The following PTPRD variants were observed in gnomAD, a reference collection of about 807,000 sequenced individuals.
PTPRD encodes receptor-type tyrosine-protein phosphatase delta.
In PTPRD, 34 loss-of-function variants were observed where a neutral mutation model predicts 214.5. That is an observed-to-expected ratio of 0.16 (90% CI 0.12 to 0.21). The LOEUF (loss-of-function observed/expected upper bound fraction) is 0.21. PTPRD is among the 10% of genes least tolerant of loss of function. The pLI is 1.00. For missense variants in PTPRD, 2,545 were observed against 2,398.7 expected (o/e 1.06, Z -1.27); for synonymous variants, 1,128 against 845.7 (o/e 1.33, Z -5.79).
At chr9:10,063,927 GTAT>G (rs1195023196) in intron 3 of PTPRD, among the ~76,000 whole-genome samples, 1 of 151,972 alleles carries the variant, frequency 6.6e-6, no homozygotes, top group Non-Finnish European at 1.5e-5. Context: ...CTATTAGCCA[GTAT>G]TATGACTAAA....
rs776740623 is a variant in PTPRD at position 9,504,157 on chromosome 9, A to G, written c.-237+70575T>C. On this transcript the variant is annotated intron_variant, in intron 8 of 45. Transcript: ENST00000381196. ...TTATTTGGGTTGACAGTTGAAAACTAGAGAGATTGTAGTCTAAGGCTTTTT... is the reference window on the plus strand; with the variant it reads ...TTATTTGGGTTGACAGTTGAAAACTGGAGAGATTGTAGTCTAAGGCTTTTT... Among the ~76,000 whole-genome samples, 116 of 151,760 alleles carry G rather than the reference A, an allele frequency of 7.6e-4. 1 individual carries two copies. The highest frequency in any genetic ancestry group is 8.9e-5 in the Non-Finnish European group (6 of 67,790).
In PTPRD at chr9:9,186,796, T is replaced by G. The variant is rs185840809; in HGVS notation, c.-202-3433A>C. ...ACAGAAATAACAAACATTTCAGAAA[T>G]AGCCTTTCATTTAGTGTGTTTTGCA... On this transcript the variant is annotated intron_variant, in intron 9 of 45. Coordinates refer to ENST00000381196, the MANE Select transcript of PTPRD (RefSeq NM_002839.4). Among the ~76,000 whole-genome samples the G allele has an allele frequency of 1.8e-3, 278 of 152,148 alleles. 3 individuals carry two copies. Among genetic ancestry groups the G allele is most frequent in the Non-Finnish European group, 2.9e-3 (194 of 67,956 alleles).
Position 8,499,658 on chromosome 9 carries a change from C to G in PTPRD, c.2311G>C (p.Ala771Pro), listed in dbSNP as rs2136804473. The part of the protein sequence containing the change: ...GQPMLKDVML[A>P]DAQWEFDDTT... The stretch of plus-strand genomic sequence containing the variant: ...TTTCAGAGGCTTACCTGTGCATCAG[C>G]CAGCATGACATCTTTCAGCATGGGC... The change falls in exon 25 of 46, where the codon GCT (alanine) becomes CCT (proline). Residue 771 changes from alanine (A) to proline (P), a missense_variant. Physicochemically the swap from Ala to Pro is conservative, Grantham distance 27 (BLOSUM62 -1). Coordinates refer to ENST00000381196, the MANE Select transcript of PTPRD (RefSeq NM_002839.4). 2 of 1,613,090 alleles carry G rather than the reference C, an allele frequency of 1.2e-6. No homozygotes were observed. The highest frequency in any genetic ancestry group is 8.5e-7 in the Non-Finnish European group (1 of 1,179,532).
chr9:9,092,768 T>C (rs925423738), intron 10 of PTPRD, among the ~76,000 whole-genome samples: 5 of 152,034 alleles, frequency 3.3e-5, no homozygotes, highest in African/African-American at 1.2e-4. Context: ...GTGCTTTAAA[T>C]ATAAAGATGA....
chr9:8,888,750 G>A lies in PTPRD; in HGVS notation c.-104+129947C>T, dbSNP rs373959562. Among the ~76,000 whole-genome samples, 16 of 152,312 alleles carry A rather than the reference G, an allele frequency of 1.1e-4. No homozygotes were observed. In the South Asian group the frequency reaches 2.9e-3, roughly 28 times the overall value. ...AGATGTTTCTCCTGGGAACCGTCATGAGTGAGAAACACAATCAGGGAATAG... is the reference window on the plus strand; with the variant it reads ...AGATGTTTCTCCTGGGAACCGTCATAAGTGAGAAACACAATCAGGGAATAG... On this transcript the variant is annotated intron_variant, in intron 11 of 45. Coordinates refer to ENST00000381196, the MANE Select transcript of PTPRD (RefSeq NM_002839.4).
chr9:9,188,100 C>T (rs1002844038), intron 9 of PTPRD, among the ~76,000 whole-genome samples: 6 of 151,990 alleles, frequency 3.9e-5, no homozygotes, highest in African/African-American at 1.4e-4. Flanking sequence ...CAAACACCAT[C>T]TTGACTTCTA....
chr9:10,501,272 T>C (rs1439733976), intron 2 of PTPRD, among the ~76,000 whole-genome samples: 1 of 152,058 alleles, frequency 6.6e-6, no homozygotes, highest in Non-Finnish European at 1.5e-5. Context: ...AGTCTTGATT[T>C]GTATTTCTCT....
At chr9:9,247,433 C>T (rs191722147) in intron 9 of PTPRD, among the ~76,000 whole-genome samples, 125 of 152,170 alleles carry the variant, frequency 8.2e-4, no homozygotes, top group South Asian at 1.7e-3. Flanking sequence ...TCCCATAAAA[C>T]GTTGATTATA....
intron 8 of PTPRD, among the ~76,000 whole-genome samples, chr9:9,504,113 T>G (rs2096509653): frequency 6.6e-6 from 1 of 151,774 alleles, no homozygotes; most frequent in Non-Finnish European, 1.5e-5. Context: ...ATCATTTTCC[T>G]TTACAGAGTC....
At chr9:10,385,744 G>C (rs1315127850) in intron 2 of PTPRD, among the ~76,000 whole-genome samples, 1 of 151,708 alleles carries the variant, frequency 6.6e-6, no homozygotes, top group African/African-American at 2.4e-5. Flanking sequence ...AAACTTTCCA[G>C]CTTAGTGCCT....
chr9:9,202,134 A>G (rs1274819824), intron 9 of PTPRD, among the ~76,000 whole-genome samples: 1 of 152,216 alleles, frequency 6.6e-6, no homozygotes, highest in Non-Finnish European at 1.5e-5. Flanking sequence ...GGTGGAGAAC[A>G]TGACTGAGTC....
intron 2 of PTPRD, among the ~76,000 whole-genome samples, chr9:10,459,543 C>T (rs984877607): frequency 6.6e-6 from 1 of 152,180 alleles, no homozygotes; most frequent in Admixed American, 6.5e-5. Context: ...CCTACTTCTC[C>T]ACATCCTCTC....
chr9:8,517,431 C>T (rs2097800216), intron 21 of PTPRD, among the ~76,000 whole-genome samples: 1 of 152,080 alleles, frequency 6.6e-6, no homozygotes. Flanking sequence ...ATTTAAATAC[C>T]CAAGGCCCTG....
At chr9:8,787,034 C>T (rs918472547) in intron 11 of PTPRD, among the ~76,000 whole-genome samples, 1 of 152,222 alleles carries the variant, frequency 6.6e-6, no homozygotes, top group Admixed American at 6.5e-5. Context: ...CAGGGTCTCA[C>T]GATGTTGCCT....
At chr9:9,695,392 G>A (rs1026263880) in intron 7 of PTPRD, among the ~76,000 whole-genome samples, 4 of 152,048 alleles carry the variant, frequency 2.6e-5, no homozygotes, top group Non-Finnish European at 5.9e-5. Context: ...CTATGAGCTG[G>A]GTTGCCTGAA....
chr9:8,571,786 T>C (rs189946315), intron 14 of PTPRD, among the ~76,000 whole-genome samples: 13 of 152,166 alleles, frequency 8.5e-5, no homozygotes, highest in Non-Finnish European at 1.2e-4. Flanking sequence ...TGTGACACTA[T>C]AAATAAACTG....
intron 4 of PTPRD, among the ~76,000 whole-genome samples, chr9:9,961,880 T>C (rs929780280): frequency 6.6e-6 from 1 of 152,186 alleles, no homozygotes; most frequent in Non-Finnish European, 1.5e-5. Flanking sequence ...TTTCCACTAG[T>C]GCTTTTAAAA....
intron 4 of PTPRD, among the ~76,000 whole-genome samples, chr9:10,009,442 G>A (rs1353212271): frequency 6.6e-6 from 1 of 151,934 alleles, no homozygotes; most frequent in Non-Finnish European, 1.5e-5. Flanking sequence ...CAGGTCATAG[G>A]TGGATTCACA....
intron 2 of PTPRD, among the ~76,000 whole-genome samples, chr9:10,489,476 G>C (rs779426350): frequency 6.6e-6 from 1 of 152,152 alleles, no homozygotes; most frequent in African/African-American, 2.4e-5. Context: ...TAGTGTCTCA[G>C]TATGGCACAT....
Sources: gnomAD v4.1 joint callset for allele counts (sites outside exome capture counted in the v4.1 genomes callset) on GRCh38, gnomAD v4.1.1 for gene constraint, MANE v1.5 for transcripts, NCBI Gene and HGNC (gene_info 2026-07-23, HGNC 2026-07-21) for gene names.